CNST: variants seen among roughly 807,000 people sequenced by gnomAD.
The protein encoded by CNST is consortin, connexin sorting protein.
CNST carries 39 observed loss-of-function variants against 72.4 expected under a neutral mutation model. That is an observed-to-expected ratio of 0.54 (90% CI 0.42 to 0.70). CNST has a LOEUF of 0.70. Ranked by LOEUF, CNST falls within the 30% of genes least tolerant of loss-of-function variation. The pLI, the probability that CNST is intolerant of heterozygous loss-of-function variation, is 0.00. For missense variants in CNST, 871 were observed against 868.5 expected (o/e 1.00, Z -0.04); for synonymous variants, 332 against 320.1 (o/e 1.04, Z -0.40).
rs1386555655 is a variant in CNST, at chr1:246,566,682, G to T, written c.-52+19G>T. 2.5e-6 allele frequency: 1 copy of T among 401,042 alleles called. No homozygotes were observed. Among genetic ancestry groups the T allele is most frequent in the Non-Finnish European group, 4.4e-6 (1 of 227,372 alleles). 24.8% of individuals were successfully genotyped at this position (401,042 alleles called of 1,614,324 possible). A position where few individuals can be genotyped will look rare whatever the true frequency, so the allele number is the denominator to read the frequency against. The stretch of plus-strand genomic sequence containing the variant: ...TTCCCAGGTGAGGAGAGGAGGAGCG[G>T]GATGCAGGGGACCCGCCGGCTCGCG... On this transcript the variant is annotated intron_variant, in intron 1 of 10. Coordinates refer to ENST00000366513, the MANE Select transcript of CNST (RefSeq NM_152609.3).
chr1:246,603,153 A>G (rs1377321071), intron 2 of CNST, among the ~76,000 whole-genome samples: 1 of 152,218 alleles, frequency 6.6e-6, no homozygotes. Context: ...AGTTACATAC[A>G]TATTAACCTA....
chr1:246,576,747 G>A (rs1306175352), intron 1 of CNST, among the ~76,000 whole-genome samples: 1 of 151,902 alleles, frequency 6.6e-6, no homozygotes, highest in African/African-American at 2.4e-5. Context: ...ACCCCCCTCA[G>A]CCTTCCAAAG....
intron 8 of CNST, among the ~76,000 whole-genome samples, chr1:246,642,677 G>A (rs905820880): frequency 2.7e-5 from 4 of 149,582 alleles, no homozygotes; most frequent in Non-Finnish European, 4.4e-5. Flanking sequence ...AAATAAATAT[G>A]TTTTAGGGTT....
chr1:246,566,855 C>T (rs953750929), intron 1 of CNST, 192 bp downstream of exon 1: 4 of 393,420 alleles, frequency 1.0e-5, no homozygotes, highest in Non-Finnish European at 1.8e-5. Context: ...TCTCCTTTCT[C>T]AGCTACTGTG....
intron 2 of CNST, among the ~76,000 whole-genome samples, chr1:246,593,585 G>A (rs375231477): frequency 2.6e-5 from 4 of 152,132 alleles, no homozygotes; most frequent in South Asian, 2.1e-4. Flanking sequence ...CTCGTGATCC[G>A]CCCACCTCTG....
intron 9 of CNST, among the ~76,000 whole-genome samples, chr1:246,659,303 A>G (rs1029378724): frequency 2.0e-5 from 3 of 152,176 alleles, no homozygotes; most frequent in Admixed American, 2.0e-4. Flanking sequence ...CTAGAAAGTA[A>G]TATGTCCCAG....
chr1:246,570,677 C>G (rs1660016051), intron 1 of CNST, among the ~76,000 whole-genome samples: 1 of 115,504 alleles, frequency 8.7e-6, no homozygotes, highest in Non-Finnish European at 2.0e-5. Context: ...TGTGGATGTT[C>G]TATAAGAAAA....
At chr1:246,635,553 C>T (rs1392301795) in intron 6 of CNST, among the ~76,000 whole-genome samples, 1 of 152,160 alleles carries the variant, frequency 6.6e-6, no homozygotes, top group Non-Finnish European at 1.5e-5. Context: ...TATGTTAAGA[C>T]AGCAATTGGA....
intron 10 of CNST, among the ~76,000 whole-genome samples, chr1:246,664,568 A>G (rs893742804): frequency 1.3e-5 from 2 of 152,044 alleles, no homozygotes; most frequent in Non-Finnish European, 1.5e-5. Flanking sequence ...CTGAGACTAT[A>G]GGCACCTGCC....
rs780568124 is a variant in CNST, at chr1:246,647,648, G to A, written c.1447G>A (p.Glu483Lys). ...CCAACTTGAGAACAATGAATTAAAT[G>A]AGCTGCAGCAGCCTGATCTTACAGA... ...TDQLENNELN[E>K]LQQPDLTDSD... The change falls in exon 9 of 11, where the codon GAG (glutamate) becomes AAG (lysine). Residue 483 changes from glutamate (E) to lysine (K), a missense_variant. Coordinates refer to ENST00000366513, the MANE Select transcript of CNST (RefSeq NM_152609.3). 3 of 1,614,174 alleles carry A rather than the reference G, an allele frequency of 1.9e-6. No individual in the cohort carries two copies. In the Admixed American group the frequency reaches 5.0e-5, roughly 27 times the overall value.
chr1:246,580,227 C>T (rs540633688), intron 1 of CNST, among the ~76,000 whole-genome samples: 3 of 151,948 alleles, frequency 2.0e-5, no homozygotes, highest in South Asian at 4.2e-4. Flanking sequence ...AATAAATAAT[C>T]TCTTGTACCT....
chr1:246,567,304 C>T (rs1156528610), intron 1 of CNST, among the ~76,000 whole-genome samples: 1 of 151,630 alleles, frequency 6.6e-6, no homozygotes, highest in African/African-American at 2.4e-5. Context: ...TTTAAAAGAC[C>T]CAATTTTGAA....
At chr1:246,644,667 G>C (rs1430745707) in intron 8 of CNST, among the ~76,000 whole-genome samples, 1 of 152,178 alleles carries the variant, frequency 6.6e-6, no homozygotes, top group African/African-American at 2.4e-5. Context: ...TTAGGTAACT[G>C]ACCCTCAGGT....
chr1:246,628,423 GATATATA>G (rs1664581759), intron 3 of CNST, among the ~76,000 whole-genome samples: 1 of 152,158 alleles, frequency 6.6e-6, no homozygotes, highest in South Asian at 2.1e-4. Flanking sequence ...TTTAAAAAGT[GATATATA>G]ATATATAGAA....
intron 1 of CNST, among the ~76,000 whole-genome samples, chr1:246,589,243 C>T (rs1661384008): frequency 6.6e-6 from 1 of 150,942 alleles, no homozygotes; most frequent in South Asian, 2.1e-4. Context: ...TTAGGTATAT[C>T]TCCTAATGCT....
At chr1:246,619,095 C>T (rs1008149356) in intron 2 of CNST, among the ~76,000 whole-genome samples, 1 of 151,840 alleles carries the variant, frequency 6.6e-6, no homozygotes, top group Non-Finnish European at 1.5e-5. Flanking sequence ...GGGAAGCTGA[C>T]CTTATCACAG....
intron 1 of CNST, among the ~76,000 whole-genome samples, chr1:246,586,107 A>ATGTG (rs1328922749): frequency 0.018 from 772 of 42,200 alleles, 4 homozygotes; most frequent in Middle Eastern, 0.11. Flanking sequence ...ATATATATAT[A>ATGTG]TATATGTGTG....
At chr1:246,612,128 A>G (rs754739324) in intron 2 of CNST, among the ~76,000 whole-genome samples, 1 of 152,240 alleles carries the variant, frequency 6.6e-6, no homozygotes, top group Non-Finnish European at 1.5e-5. Flanking sequence ...TTTTATGAGC[A>G]CTGAGTTTCT....
intron 8 of CNST, among the ~76,000 whole-genome samples, chr1:246,643,481 C>CTTAG (rs1262174373): frequency 2.7e-4 from 41 of 152,326 alleles, no homozygotes; most frequent in Middle Eastern, 3.4e-3. Context: ...TTGAGACTTA[C>CTTAG]TTAGCATGGT....
Sources: allele counts gnomAD v4.1 joint callset (sites outside exome capture counted in the v4.1 genomes callset), GRCh38; gene constraint gnomAD v4.1.1; transcripts MANE v1.5; gene names NCBI Gene and HGNC (gene_info 2026-07-23, HGNC 2026-07-21).